Variants in HNF1A observed in about 807,000 individuals in gnomAD.
HNF1A encodes HNF1 homeobox A, also known as hepatocyte nuclear factor 1-alpha.
In HNF1A, 21 loss-of-function variants were observed where a neutral mutation model predicts 62.2. The ratio of observed to expected loss-of-function variants is 0.34; its 90% confidence interval spans 0.24 to 0.49. The LOEUF (loss-of-function observed/expected upper bound fraction) is 0.49, where lower values mean the gene tolerates loss of function less well. HNF1A is among the 20% of genes least tolerant of loss of function. The pLI is 0.99. For synonymous variants in HNF1A, 374 were observed against 366.8 expected, an observed-to-expected ratio of 1.02 and a Z score of -0.22; for missense variants, 687 against 832.3, an observed-to-expected ratio of 0.83 and a Z score of 2.15.
In HNF1A at chr12:120,996,279, C is replaced by A; in HGVS notation, c.973C>A (p.Pro325Thr). Residue 325 changes from proline (P) to threonine (T), a missense_variant, in exon 5 of 10, where the codon CCT (proline) becomes ACT (threonine). Pro to Thr is a conservative substitution (Grantham distance 38, BLOSUM62 -1). Around this residue, in one of 5 missense-constraint regions of HNF1A, gnomAD observed 408 missense variants for 455.3 expected, o/e 0.90. Transcript: ENST00000257555. This position sits in a 1 kb window ranked among gnomAD's most constrained non-coding sequence, Gnocchi z 4.5. ...SKVHGVRYGQ[P>T]ATSETAEVPS... ...CTCTCCAGGTGTGCGCTATGGACAG[C>A]CTGCGACCAGTGAGACTGCAGAAGT... The A allele has an allele frequency of 4.3e-6, 7 of 1,614,112 alleles. No individual in the cohort carries two copies. The highest frequency in any genetic ancestry group is 5.9e-6 in the Non-Finnish European group (7 of 1,180,002).
Position 120,996,746 on chromosome 12 carries a change from AGCTGGT to A in HNF1A, c.1309+6_1309+11del. ...GGTGCCTCCACCCTGGTCATCGGTA[AGCTGGT>A]GGGGATGGGTGGGCACCTGGGTGGG... On this transcript the variant is annotated splice_donor_5th_base_variant and intron_variant, in intron 6 of 9. Coordinates refer to ENST00000257555, the MANE Select transcript of HNF1A (RefSeq NM_000545.8). This position sits in a 1 kb window ranked among gnomAD's most constrained non-coding sequence, Gnocchi z 4.5. 1 of 1,613,974 alleles carries A rather than the reference AGCTGGT, an allele frequency of 6.2e-7. No homozygotes were observed. The highest frequency in any genetic ancestry group is 8.5e-7 in the Non-Finnish European group (1 of 1,179,966).
intron 9 of HNF1A, chr12:121,000,774 ACT>A: frequency 2.1e-6 from 1 of 466,018 alleles, no homozygotes; most frequent in Non-Finnish European, 4.0e-6. Context: ...TTAGTGTTTG[ACT>A]CAGCCTAGCC....
chr12:120,978,952 A>T lies in HNF1A; in HGVS notation c.184A>T (p.Asn62Tyr). Residue 62 changes from asparagine (N) to tyrosine (Y), a missense_variant, in exon 1 of 10, where the codon AAT (asparagine) becomes TAT (tyrosine). Asn to Tyr is a moderately radical substitution (Grantham distance 143). Coordinates refer to ENST00000257555, the MANE Select transcript of HNF1A (RefSeq NM_000545.8). ...GGRGELAELP[N>Y]GLGETRGSED... ...TCGAGGGGAGCTGGCTGAGCTGCCC[A>T]ATGGGCTGGGGGAGACTCGGGGCTC... The T allele has an allele frequency of 6.2e-7, 1 of 1,609,368 alleles. No individual in the cohort carries two copies. The highest frequency in any genetic ancestry group is 8.5e-7 in the Non-Finnish European group (1 of 1,178,010).
intron 1 of HNF1A, among the ~76,000 whole-genome samples, chr12:120,984,012 GGAGA>G (rs1033925977): frequency 1.1e-4 from 17 of 151,292 alleles, no homozygotes; most frequent in African/African-American, 4.1e-4. Context: ...TGGGGGGTAG[GGAGA>G]GAGAGACATC....
At chr12:121,000,600 TTGAGGCAGAATTCCTTCTC>T in intron 9 of HNF1A, 1 of 241,014 alleles carries the variant, frequency 4.1e-6, no homozygotes, top group Non-Finnish European at 8.3e-6. Context: ...TTCTGCAGCC[TTGAGGCAGAATTCCTTCTC>T]TGGGAAACCG....
chr12:120,989,727 T>C (rs896263947), intron 2 of HNF1A, among the ~76,000 whole-genome samples: 3 of 152,184 alleles, frequency 2.0e-5, no homozygotes, highest in Non-Finnish European at 2.9e-5. Flanking sequence ...TGCAGAGTAT[T>C]ACACAAAGCA....
In HNF1A at chr12:120,997,115, C is replaced by T. The variant is rs941603995; in HGVS notation, c.1310-359C>T. ...TTGCAGGTACAATTATGCAGAAGCCCAGTACATAAGATAGATAAGGAGCTG... is the reference window on the plus strand; with the variant it reads ...TTGCAGGTACAATTATGCAGAAGCCTAGTACATAAGATAGATAAGGAGCTG... On this transcript the variant is annotated intron_variant, in intron 6 of 9. Coordinates refer to ENST00000257555, the MANE Select transcript of HNF1A (RefSeq NM_000545.8). 4.3e-5 allele frequency: 61 copies of T among 1,404,524 alleles called. 1 individual carries two copies. The highest frequency in any genetic ancestry group is 5.6e-5 in the Non-Finnish European group (60 of 1,075,346). The allele number at this position is 1,404,524 out of a possible 1,614,324, so 87.0% of individuals were successfully genotyped here.
intron 1 of HNF1A, among the ~76,000 whole-genome samples, chr12:120,982,170 C>T (rs558111138): frequency 3.6e-4 from 55 of 152,178 alleles, no homozygotes; most frequent in African/African-American, 1.3e-3. Context: ...CCTGGGTTCA[C>T]GCCATTCTCC....
intron 4 of HNF1A, among the ~76,000 whole-genome samples, chr12:120,995,652 C>T (rs1877060090): frequency 6.6e-6 from 1 of 151,876 alleles, no homozygotes; most frequent in Non-Finnish European, 1.5e-5. Context: ...TCACACAACT[C>T]CATCCATTCC....
At chr12:120,988,002 A>G (rs951955987) in intron 1 of HNF1A, among the ~76,000 whole-genome samples, 1 of 151,018 alleles carries the variant, frequency 6.6e-6, no homozygotes, top group Non-Finnish European at 1.5e-5. Context: ...TCCATCCATC[A>G]TCCATCTACC....
chr12:120,982,825 C>T (rs1876321772), intron 1 of HNF1A, among the ~76,000 whole-genome samples: 2 of 152,210 alleles, frequency 1.3e-5, no homozygotes, highest in Non-Finnish European at 2.9e-5. Flanking sequence ...CTCGAGGTCA[C>T]ACTTTCCCCT....
rs1876980167 is a variant in HNF1A, at chr12:120,994,327, C to G, written c.877C>G (p.Pro293Ala). 1 of 1,608,780 alleles carries G rather than the reference C, an allele frequency of 6.2e-7. No homozygotes were observed. Among genetic ancestry groups the G allele is most frequent in the Non-Finnish European group, 8.5e-7 (1 of 1,177,972 alleles). ...MDTYSGPPPGPGPGPALPAHS... is the reference protein window; with the variant it reads ...MDTYSGPPPGAGPGPALPAHS... ...CACGTACAGCGGGCCCCCCCCAGGG[C>G]CAGGCCCGGGACCTGCGCTGCCCGC... is the stretch of plus-strand genomic sequence containing the variant. Residue 293 changes from proline (P) to alanine (A), a missense_variant, in exon 4 of 10, where the codon CCA becomes GCA. By Grantham distance (27) the Pro-to-Ala change is conservative. This residue lies in a region of HNF1A where 408 missense variants were observed against 455.3 expected (regional missense o/e 0.90). Transcript: ENST00000257555.
chr12:120,988,052 C>T (rs527685442), intron 1 of HNF1A, among the ~76,000 whole-genome samples: 16 of 136,118 alleles, frequency 1.2e-4, no homozygotes, highest in Non-Finnish European at 2.4e-4. Flanking sequence ...ATCCAACCAT[C>T]CATCCATCCA....
intron 7 of HNF1A, 71 bp from the exon 8 acceptor site, chr12:120,999,197 C>T: frequency 6.3e-7 from 1 of 1,589,312 alleles, no homozygotes; most frequent in South Asian, 1.1e-5. Flanking sequence ...CCCCTTTCCC[C>T]AGTCTTGAGG....
chr12:120,997,902 TTGTGCATGCATTTG>T (rs1311316848), intron 7 of HNF1A: 11 of 683,160 alleles, frequency 1.6e-5, no homozygotes, highest in Non-Finnish European at 3.0e-5. Context: ...TGTGTATCGG[TTGTGCATGCATTTG>T]TGTGCATGCC....
chr12:120,989,060 C>T, intron 2 of HNF1A, 28 bp downstream of exon 2: 1 of 1,609,770 alleles, frequency 6.2e-7, no homozygotes, highest in Non-Finnish European at 8.5e-7. Context: ...CCCGCATCTT[C>T]CCTGGGAGGG....
Position 120,996,137 on chromosome 12 carries a change from G to A in HNF1A, c.956-125G>A. On this transcript the variant is annotated intron_variant, in intron 4 of 9. Transcript: ENST00000257555. The surrounding 1 kb of genome is among the most constrained non-coding windows in gnomAD (Gnocchi z 4.5). ...GGTAGAAACAAAGGCAGATTTGCTG[G>A]CTGCATAAAGGCAGACAGGCAGCTG... 8.7e-7 allele frequency: 1 copy of A among 1,153,460 alleles called. No individual in the cohort carries two copies. Among genetic ancestry groups the A allele is most frequent in the Non-Finnish European group, 1.3e-6 (1 of 788,896 alleles). The allele number at this position is 1,153,460 out of a possible 1,614,324, so 71.5% of individuals were successfully genotyped here.
At chr12:120,987,625 C>G (rs1015602947) in intron 1 of HNF1A, among the ~76,000 whole-genome samples, 6 of 149,334 alleles carry the variant, frequency 4.0e-5, no homozygotes, top group Non-Finnish European at 8.9e-5. Context: ...TATATATATA[C>G]AGAGAGAGAG....
intron 2 of HNF1A, among the ~76,000 whole-genome samples, chr12:120,991,739 T>C (rs1231751005): frequency 1.3e-5 from 2 of 152,240 alleles, no homozygotes; most frequent in African/African-American, 4.8e-5. Flanking sequence ...TGTGCTGTAA[T>C]ACACACTTGG....
Sources: allele counts gnomAD v4.1 joint callset (sites outside exome capture counted in the v4.1 genomes callset), GRCh38; gene constraint gnomAD v4.1.1; regional missense constraint gnomAD v4.1.1; non-coding constraint Gnocchi (gnomAD v3.1); transcripts MANE v1.5; gene names NCBI Gene and HGNC (gene_info 2026-07-23, HGNC 2026-07-21).